The following ABCD3 variants were observed in gnomAD, a reference collection of about 807,000 sequenced individuals.
ABCD3 encodes the protein ATP-binding cassette sub-family D member 3.
Under a neutral mutation model 105.5 loss-of-function variants are expected in ABCD3, and 41 were observed. The observed-to-expected ratio is 0.39, with a 90% CI of 0.30 to 0.50. The LOEUF (loss-of-function observed/expected upper bound fraction) is 0.50, where lower values mean the gene tolerates loss of function less well. ABCD3 is among the 20% of genes least tolerant of loss of function. The probability of loss-of-function intolerance (pLI) is 0.84; values close to 1 mark genes in which losing one functional copy is unlikely to be tolerated. For synonymous variants in ABCD3, 258 were observed against 269.0 expected (o/e 0.96, Z 0.40); for missense variants, 622 against 806.3 (o/e 0.77, Z 2.77).
intron 1 of ABCD3, among the ~76,000 whole-genome samples, chr1:94,443,835 A>AT (rs1660227394): frequency 6.6e-6 from 1 of 152,100 alleles, no homozygotes. Flanking sequence ...TTGTATAGAA[A>AT]TTTTAGAATT....
the ABCD3 span, among the ~76,000 whole-genome samples, chr1:94,396,568 A>C: frequency 6.6e-6 from 1 of 151,330 alleles, no homozygotes; most frequent in Non-Finnish European, 1.5e-5. Flanking sequence ...TCATTCCACA[A>C]ACTGTTCCTC....
intron 4 of ABCD3, among the ~76,000 whole-genome samples, chr1:94,470,479 T>A (rs1191945171): frequency 6.6e-6 from 1 of 152,198 alleles, no homozygotes; most frequent in African/African-American, 2.4e-5. Flanking sequence ...GGAGATTTGT[T>A]CCTCCCTCAA....
In ABCD3 at chr1:94,464,859, A is replaced by G. The variant is rs1196708878; in HGVS notation, c.232A>G (p.Thr78Ala). 6.2e-7 allele frequency: 1 copy of G among 1,613,424 alleles called. No individual in the cohort carries two copies. Among genetic ancestry groups the G allele is most frequent in the African/African-American group, 1.3e-5 (1 of 74,862 alleles). The change falls in exon 3 of 23, where the codon ACA becomes GCA. Residue 78 changes from threonine (T) to alanine (A), a missense_variant. Thr to Ala is a moderately conservative substitution (Grantham distance 58). This residue lies in a region of ABCD3 where 245 missense variants were observed against 356.4 expected (regional missense o/e 0.69). Transcript: ENST00000370214. ...GATTCTGAAAATCATGGTCCCTAGA[A>G]CATTTTGTAAAGAGGTAAGTCTTAT... ...IQILKIMVPR[T>A]FCKETGYLVL...
At chr1:94,391,720 A>G in the ABCD3 span, among the ~76,000 whole-genome samples, 2 of 152,312 alleles carry the variant, frequency 1.3e-5, no homozygotes, top group Non-Finnish European at 2.9e-5. Context: ...CACACATAAT[A>G]CATTCATTCT....
chr1:94,385,195 G>T, the ABCD3 span, among the ~76,000 whole-genome samples: 3 of 152,150 alleles, frequency 2.0e-5, no homozygotes, highest in Admixed American at 6.5e-5. Context: ...GAAGAATGGG[G>T]CATTCTCTTA....
chr1:94,405,368 T>C, the ABCD3 span, among the ~76,000 whole-genome samples: 2 of 150,008 alleles, frequency 1.3e-5, no homozygotes, highest in South Asian at 4.2e-4. Context: ...TGGAGTGCAA[T>C]GGCCCCATCT....
At chr1:94,500,253 G>A (rs1239982016) in intron 20 of ABCD3, among the ~76,000 whole-genome samples, 1 of 151,928 alleles carries the variant, frequency 6.6e-6, no homozygotes, top group Admixed American at 6.6e-5. Flanking sequence ...GACCAGCCTG[G>A]GCAACATAGC....
At chr1:94,489,477 T>A (rs1002855477) in intron 13 of ABCD3, among the ~76,000 whole-genome samples, 13 of 152,058 alleles carry the variant, frequency 8.5e-5, no homozygotes, top group Non-Finnish European at 1.5e-5. Context: ...CTGCCTTGAC[T>A]TGGCTATTAA....
chr1:94,388,338 C>G, the ABCD3 span, among the ~76,000 whole-genome samples: 2 of 152,156 alleles, frequency 1.3e-5, no homozygotes, highest in Non-Finnish European at 2.9e-5. Flanking sequence ...GTATATGTAG[C>G]TAGATTATGA....
At chr1:94,433,889 T>G (rs1659793055) in intron 1 of ABCD3, among the ~76,000 whole-genome samples, 1 of 152,034 alleles carries the variant, frequency 6.6e-6, no homozygotes, top group African/African-American at 2.4e-5. Flanking sequence ...CCTCAAGTGA[T>G]CTGCCCACTT....
At chr1:94,402,236 G>T in the ABCD3 span, among the ~76,000 whole-genome samples, 2 of 152,130 alleles carry the variant, frequency 1.3e-5, no homozygotes, top group African/African-American at 4.8e-5. Flanking sequence ...AGGAGGTTAT[G>T]AATAAGGCTG....
chr1:94,463,734 A>G (rs534703086), intron 2 of ABCD3, among the ~76,000 whole-genome samples: 97 of 152,152 alleles, frequency 6.4e-4, no homozygotes, highest in Non-Finnish European at 1.3e-3. Flanking sequence ...TCATGGAGCT[A>G]GTGAAAATGA....
chr1:94,406,184 A>G, the ABCD3 span, among the ~76,000 whole-genome samples: 1 of 151,912 alleles, frequency 6.6e-6, no homozygotes, highest in Non-Finnish European at 1.5e-5. Flanking sequence ...AAAAACAACT[A>G]TATTTGCCTG....
chr1:94,431,607 G>A (rs992402363), intron 1 of ABCD3, among the ~76,000 whole-genome samples: 2 of 152,104 alleles, frequency 1.3e-5, no homozygotes, highest in Non-Finnish European at 2.9e-5. Context: ...TGTGGCCTGG[G>A]CTGGAGTACA....
At position 94,432,961 on chromosome 1, in the gene ABCD3, TCTC is replaced by T. The variant is rs545568634; in HGVS notation, c.110+14376_110+14378del. Among the ~76,000 whole-genome samples, 7 of 151,946 alleles carry T rather than the reference TCTC, an allele frequency of 4.6e-5. No homozygotes were observed. In the East Asian group the frequency reaches 1.4e-3, roughly 29 times the overall value. On this transcript the variant is annotated intron_variant, in intron 1 of 22. Coordinates refer to ENST00000370214, the MANE Select transcript of ABCD3 (RefSeq NM_002858.4). Reference sequence around the variant, plus strand: ...CCTCTGCCTCCTGGGTTCAAGCAATTCTCCTGCCTCAGCCTCCTGAGTAACTGG... The same window carrying T: ...CCTCTGCCTCCTGGGTTCAAGCAATTCTGCCTCAGCCTCCTGAGTAACTGG...
At chr1:94,506,336 G>A (rs979141173) in intron 20 of ABCD3, among the ~76,000 whole-genome samples, 3 of 152,022 alleles carry the variant, frequency 2.0e-5, no homozygotes, top group Non-Finnish European at 4.4e-5. Flanking sequence ...CATGAAGTAC[G>A]TTTTTCCCTT....
chr1:94,498,612 G>C lies in ABCD3; in HGVS notation c.1397G>C (p.Gly466Ala). The C allele has an allele frequency of 6.2e-7, 1 of 1,611,688 alleles. No individual in the cohort carries two copies. Among genetic ancestry groups the C allele is most frequent in the South Asian group, 1.1e-5 (1 of 90,898 alleles). The change falls in exon 17 of 23, where the codon GGG becomes GCG. Residue 466 changes from glycine (G) to alanine (A), a missense_variant. Gly to Ala is a moderately conservative substitution (Grantham distance 60). Transcript: ENST00000370214. ...TTTTTTTTTTTTCAGGTTCGATCTGGGGCTAATGTTCTAATTTGTGGTCCA... is the reference window on the plus strand; with the variant it reads ...TTTTTTTTTTTTCAGGTTCGATCTGCGGCTAATGTTCTAATTTGTGGTCCA... ...IRDLNFEVRS[G>A]ANVLICGPNG...
Position 94,517,081 on chromosome 1 carries a change from C to T in ABCD3, c.1932C>T (p.Asn644=). ...ACCTGCATATGGATGGCAGAGGCAA[C>T]TATGAATTCAAACAGATAACAGAAG... ...EYYLHMDGRG[N]YEFKQITEDT... Residue 644 remains asparagine, a synonymous_variant, in exon 23 of 23, where the codon AAC becomes AAT. Transcript: ENST00000370214. 1 of 1,611,086 alleles carries T rather than the reference C, an allele frequency of 6.2e-7. No individual in the cohort carries two copies. Among genetic ancestry groups the T allele is most frequent in the Non-Finnish European group, 8.5e-7 (1 of 1,177,784 alleles).
At chr1:94,428,174 C>T (rs1052916982) in intron 1 of ABCD3, among the ~76,000 whole-genome samples, 6 of 150,684 alleles carry the variant, frequency 4.0e-5, no homozygotes, top group African/African-American at 1.2e-4. Context: ...TTAGCAGGCC[C>T]GAGTGAATGC....
Sources: gnomAD v4.1 joint callset for allele counts (sites outside exome capture counted in the v4.1 genomes callset) on GRCh38, gnomAD v4.1.1 for gene constraint, gnomAD v4.1.1 regional missense constraint, MANE v1.5 for transcripts, NCBI Gene and HGNC (gene_info 2026-07-23, HGNC 2026-07-21) for gene names.